TIPRL: variants seen among roughly 807,000 people sequenced by gnomAD.
TIPRL encodes TIP41-like protein.
In TIPRL, 10 loss-of-function variants were observed where a neutral mutation model predicts 32.3. The ratio of observed to expected loss-of-function variants is 0.31; its 90% CI spans 0.19 to 0.52. The LOEUF (loss-of-function observed/expected upper bound fraction) is 0.52, where lower values mean the gene tolerates loss of function less well. TIPRL is among the 20% of genes least tolerant of loss of function. The pLI is 0.96. For synonymous variants in TIPRL, 100 were observed against 114.0 expected (o/e 0.88, Z 0.78); for missense variants, 250 against 328.1 (o/e 0.76, Z 1.84).
At position 168,179,064 on chromosome 1, in the gene TIPRL, G is replaced by A. The variant is rs375908803; in HGVS notation, c.-14G>A. ...AGCTTATTCCTTGTGGCCTCTGCGG[G>A]TCCTGCCTCAGCCATGATGATCCAC... On this transcript the variant is annotated 5_prime_UTR_variant, in exon 1 of 7. Transcript: ENST00000367833. 5.7e-4 allele frequency: 922 copies of A among 1,612,416 alleles called. 1 individual carries two copies. The highest frequency in any genetic ancestry group is 8.8e-4 in the Admixed American group (53 of 59,926).
chr1:168,193,131 T>C (rs1700118350), intron 4 of TIPRL, among the ~76,000 whole-genome samples: 1 of 152,206 alleles, frequency 6.6e-6, no homozygotes, highest in African/African-American at 2.4e-5. Context: ...AAGGCTACAG[T>C]GAGCTATGAT....
intron 4 of TIPRL, among the ~76,000 whole-genome samples, chr1:168,195,229 G>A (rs1216489793): frequency 5.3e-5 from 8 of 152,172 alleles, no homozygotes; most frequent in Non-Finnish European, 1.0e-4. Context: ...GCAGTTCCCT[G>A]AATATATGTT....
rs540765062 is a variant in TIPRL, at chr1:168,198,899, CTGTT to C, written c.613-18_613-15del. On this transcript the variant is annotated splice_polypyrimidine_tract_variant and intron_variant, in intron 5 of 6. Coordinates refer to ENST00000367833, the MANE Select transcript of TIPRL (RefSeq NM_152902.5). Reference sequence around the variant, plus strand: ...ATCAGTATAATTAAATTTATTGCAACTGTTTATTTTTAAATACAGGCTGACAAGA... The same window carrying C: ...ATCAGTATAATTAAATTTATTGCAACTATTTTTAAATACAGGCTGACAAGA... The C allele has an allele frequency of 6.7e-3, 10,663 of 1,596,748 alleles. 49 individuals carry two copies. The highest frequency in any genetic ancestry group is 8.0e-3 in the Non-Finnish European group (9,350 of 1,169,872).
At chr1:168,185,108 G>A (rs1373337023) in intron 3 of TIPRL, among the ~76,000 whole-genome samples, 2 of 152,180 alleles carry the variant, frequency 1.3e-5, no homozygotes, top group African/African-American at 2.4e-5. Context: ...TGGTGGCAAC[G>A]GCAGACGGCC....
rs1572429853 is a variant in TIPRL, at chr1:168,183,777, T to G, written c.105-125T>G. 6.2e-6 allele frequency: 6 copies of G among 975,222 alleles called. No homozygotes were observed. In the East Asian group the frequency reaches 1.5e-4, roughly 24 times the overall value. 60.4% of individuals were successfully genotyped at this position (975,222 alleles called of 1,614,324 possible). ...TTTTATAGACCTTGCAAATATATCA[T>G]ATTGATTAAATCATGTGCTGTGTAA... is the stretch of plus-strand genomic sequence containing the variant. On this transcript the variant is annotated intron_variant, in intron 1 of 6. Coordinates refer to ENST00000367833, the MANE Select transcript of TIPRL (RefSeq NM_152902.5).
rs1208490582 is a variant in TIPRL at position 168,200,885 on chromosome 1, G to A, written c.*839G>A. Reference sequence around the variant, plus strand: ...AAGGGTTTATTAGGGGTTGTTTTTCGCAAATATTACATCAATCCTTAAAGC... The same window carrying A: ...AAGGGTTTATTAGGGGTTGTTTTTCACAAATATTACATCAATCCTTAAAGC... On this transcript the variant is annotated 3_prime_UTR_variant, in exon 7 of 7. Transcript: ENST00000367833. 2 of 152,024 alleles carry A rather than the reference G, an allele frequency of 1.3e-5. No homozygotes were observed. Among genetic ancestry groups the A allele is most frequent in the East Asian group, 1.9e-4 (1 of 5,204 alleles). The allele number at this position is 152,024 out of a possible 1,614,324, so 9.4% of individuals were successfully genotyped here. A position where few individuals can be genotyped will look rare whatever the true frequency, so the allele number is the denominator to read the frequency against.
At chr1:168,185,785 GAA>G (rs1700019965) in intron 3 of TIPRL, among the ~76,000 whole-genome samples, 2 of 109,452 alleles carry the variant, frequency 1.8e-5, no homozygotes, top group Non-Finnish European at 3.8e-5. Context: ...AAAAAAAAAA[GAA>G]GAGATTCGGC....
At position 168,198,844 on chromosome 1, in the gene TIPRL, A is replaced by C. The variant is rs1431265623; in HGVS notation, c.613-75A>C. ...TGACAACCTATCCTAAAATGTAGGC[A>C]GTCTGTTTTTAATACAAAGGATTTT... On this transcript the variant is annotated intron_variant, in intron 5 of 6. Coordinates refer to ENST00000367833, the MANE Select transcript of TIPRL (RefSeq NM_152902.5). 5.5e-6 allele frequency: 7 copies of C among 1,277,718 alleles called. No individual in the cohort carries two copies. The East Asian group carries it at 1.5e-4, about 27-fold the overall frequency. The allele number at this position is 1,277,718 out of a possible 1,614,324, so 79.1% of individuals were successfully genotyped here.
intron 3 of TIPRL, among the ~76,000 whole-genome samples, chr1:168,190,050 G>T (rs1320168627): frequency 2.6e-5 from 4 of 152,186 alleles, no homozygotes; most frequent in Non-Finnish European, 5.9e-5. Context: ...TAAAAAGGAC[G>T]AAATTTACAA....
intron 4 of TIPRL, among the ~76,000 whole-genome samples, chr1:168,194,541 G>A (rs1477795164): frequency 6.6e-6 from 1 of 152,194 alleles, no homozygotes; most frequent in African/African-American, 2.4e-5. Flanking sequence ...TTGAAGAAAT[G>A]TTGCAAGTCA....
chr1:168,183,377 A>ATTTTTTTTTTTTTTTTTT (rs55731463), intron 1 of TIPRL, among the ~76,000 whole-genome samples: 4 of 129,784 alleles, frequency 3.1e-5, no homozygotes, highest in African/African-American at 6.0e-5. Context: ...AATTCCTGTG[A>ATTTTTTTTTTTTTTTTTT]TTTTTTTTTT....
rs1163498759 is a variant in TIPRL at position 168,200,388 on chromosome 1, T to G, written c.*342T>G. The stretch of plus-strand genomic sequence containing the variant: ...AACACTATCTTCTACCAGGAGGAGG[T>G]TAATGTAAATCACCAAATCCCAATG... On this transcript the variant is annotated 3_prime_UTR_variant, in exon 7 of 7. Coordinates refer to ENST00000367833, the MANE Select transcript of TIPRL (RefSeq NM_152902.5). 5.8e-6 allele frequency: 1 copy of G among 172,326 alleles called. No individual in the cohort carries two copies. Among genetic ancestry groups the G allele is most frequent in the Non-Finnish European group, 1.2e-5 (1 of 80,722 alleles). 10.7% of individuals were successfully genotyped at this position (172,326 alleles called of 1,614,324 possible). A position where few individuals can be genotyped will look rare whatever the true frequency, so the allele number is the denominator to read the frequency against.
At chr1:168,189,576 C>T (rs1479339823) in intron 3 of TIPRL, among the ~76,000 whole-genome samples, 2 of 152,126 alleles carry the variant, frequency 1.3e-5, no homozygotes, top group Non-Finnish European at 2.9e-5. Flanking sequence ...AAACTCCTGA[C>T]CTCAAGTGAT....
In TIPRL at chr1:168,201,478, A is replaced by G. The variant is rs1447461805; in HGVS notation, c.*1432A>G. ...GGGTATATTTTATTAGCTAAATTTGATATTTGTCTTCTGCCTTCTGTATCA... is the reference window on the plus strand; with the variant it reads ...GGGTATATTTTATTAGCTAAATTTGGTATTTGTCTTCTGCCTTCTGTATCA... On this transcript the variant is annotated 3_prime_UTR_variant, in exon 7 of 7. Coordinates refer to ENST00000367833, the MANE Select transcript of TIPRL (RefSeq NM_152902.5). The G allele has an allele frequency of 4.6e-5, 7 of 152,070 alleles. No homozygotes were observed. The South Asian group carries it at 8.3e-4, about 18-fold the overall frequency. The allele number at this position is 152,070 out of a possible 1,614,324, so 9.4% of individuals were successfully genotyped here.
Position 168,200,523 on chromosome 1 carries a change from C to G in TIPRL, c.*477C>G, listed in dbSNP as rs956266522. ...TTGGAGAGTTGCAACTTGCCACATACGAAATTAGTCTCATAGTGTAGTGAA... is the reference window on the plus strand; with the variant it reads ...TTGGAGAGTTGCAACTTGCCACATAGGAAATTAGTCTCATAGTGTAGTGAA... On this transcript the variant is annotated 3_prime_UTR_variant, in exon 7 of 7. Transcript: ENST00000367833. 1 of 151,972 alleles carries G rather than the reference C, an allele frequency of 6.6e-6. No homozygotes were observed. The highest frequency in any genetic ancestry group is 2.4e-5 in the African/African-American group (1 of 41,338). 9.4% of individuals were successfully genotyped at this position (151,972 alleles called of 1,614,324 possible). A position where few individuals can be genotyped will look rare whatever the true frequency, so the allele number is the denominator to read the frequency against.
chr1:168,195,335 CT>C (rs1332771253), intron 4 of TIPRL, among the ~76,000 whole-genome samples: 5 of 152,162 alleles, frequency 3.3e-5, no homozygotes, highest in African/African-American at 1.2e-4. Context: ...CAGCTCAAGC[CT>C]TGTCTTATCT....
intron 4 of TIPRL, chr1:168,192,158 C>A: frequency 7.0e-7 from 1 of 1,431,360 alleles, no homozygotes; most frequent in Non-Finnish European, 9.2e-7. Context: ...TTAAAATGAT[C>A]CATGTGTTAT....
intron 3 of TIPRL, 49 bp downstream of exon 3, chr1:168,184,927 C>G: frequency 8.2e-7 from 1 of 1,224,354 alleles, no homozygotes; most frequent in Non-Finnish European, 1.2e-6. Flanking sequence ...CTTGGACAGT[C>G]TGAGCATTAG....
At chr1:168,186,852 T>A (rs1700033412) in intron 3 of TIPRL, among the ~76,000 whole-genome samples, 1 of 152,154 alleles carries the variant, frequency 6.6e-6, no homozygotes, top group Admixed American at 6.5e-5. Context: ...AAACCTGATA[T>A]CATATGTTGG....
Sources: allele counts gnomAD v4.1 joint callset (sites outside exome capture counted in the v4.1 genomes callset), GRCh38; gene constraint gnomAD v4.1.1; transcripts MANE v1.5; gene names NCBI Gene and HGNC (gene_info 2026-07-23, HGNC 2026-07-21).